RBFOX1: variants seen among roughly 807,000 people sequenced by gnomAD.
RBFOX1 encodes RNA binding protein fox-1 homolog 1.
RBFOX1 carries 8 observed loss-of-function variants against 57.7 expected under a neutral mutation model. The ratio of observed to expected loss-of-function variants is 0.14; its 90% CI spans 0.08 to 0.25. The LOEUF (loss-of-function observed/expected upper bound fraction) is 0.25. Ranked by LOEUF, RBFOX1 falls within the 10% of genes least tolerant of loss-of-function variation. The probability of loss-of-function intolerance (pLI) is 1.00; values close to 1 mark genes in which losing one functional copy is unlikely to be tolerated. For synonymous variants in RBFOX1, 326 were observed against 222.4 expected (o/e 1.47, Z -4.15); for missense variants, 611 against 548.5 (o/e 1.11, Z -1.14).
intron 3 of RBFOX1, among the ~76,000 whole-genome samples, chr16:6,659,090 G>A (rs999264467): frequency 1.3e-5 from 2 of 152,030 alleles, no homozygotes; most frequent in South Asian, 2.1e-4. Context: ...TGTTTCTGCT[G>A]GGGCACTGAA....
At chr16:6,902,259 G>T (rs1458332555) in intron 3 of RBFOX1, among the ~76,000 whole-genome samples, 1 of 152,130 alleles carries the variant, frequency 6.6e-6, no homozygotes, top group Admixed American at 6.6e-5. Flanking sequence ...CTGTATTGAA[G>T]CCCCGTTTTT....
intron 3 of RBFOX1, among the ~76,000 whole-genome samples, chr16:6,749,979 C>G (rs1157155719): frequency 2.6e-5 from 4 of 152,100 alleles, no homozygotes; most frequent in Admixed American, 1.3e-4. Context: ...AGATGGTGCT[C>G]TCAGAGTTTT....
intron 1 of RBFOX1, among the ~76,000 whole-genome samples, chr16:6,115,614 C>T (rs1207602710): frequency 6.6e-6 from 1 of 152,124 alleles, no homozygotes; most frequent in African/African-American, 2.4e-5. Context: ...CCAAGTATAG[C>T]ATATCTTTAC....
chr16:5,806,047 A>G (rs1300761303), intron 3 of RBFOX1, among the ~76,000 whole-genome samples: 2 of 152,156 alleles, frequency 1.3e-5, no homozygotes, highest in African/African-American at 4.8e-5. Context: ...GAGTGAGGAA[A>G]CAGCTGGCAT....
chr16:5,346,076 C>G (rs1389562032), intron 1 of RBFOX1, among the ~76,000 whole-genome samples: 1 of 152,228 alleles, frequency 6.6e-6, no homozygotes, highest in Non-Finnish European at 1.5e-5. Context: ...CTTCCAGCAG[C>G]CCACTACCTG....
chr16:7,212,777 T>C (rs1404447990), intron 4 of RBFOX1, among the ~76,000 whole-genome samples: 1 of 152,192 alleles, frequency 6.6e-6, no homozygotes, highest in Non-Finnish European at 1.5e-5. Flanking sequence ...CCATGGCACA[T>C]GTATACCTAT....
At chr16:6,851,984 G>T (rs901638666) in intron 3 of RBFOX1, among the ~76,000 whole-genome samples, 1 of 150,812 alleles carries the variant, frequency 6.6e-6, no homozygotes, top group East Asian at 1.9e-4. Flanking sequence ...GGAGTCCAGT[G>T]GTGTGATCTC....
intron 1 of RBFOX1, among the ~76,000 whole-genome samples, chr16:6,260,347 C>T (rs113702278): frequency 0.012 from 1,815 of 152,184 alleles, 40 homozygotes; most frequent in African/African-American, 0.04. Flanking sequence ...AGTTTCATGA[C>T]CCAGTGCCTC....
At chr16:6,260,155 T>A (rs2097693144) in intron 1 of RBFOX1, among the ~76,000 whole-genome samples, 1 of 152,202 alleles carries the variant, frequency 6.6e-6, no homozygotes, top group African/African-American at 2.4e-5. Flanking sequence ...TCTGTTGAGC[T>A]GAGGGAAAGT....
chr16:7,285,137 C>A (rs2095624461), intron 4 of RBFOX1, among the ~76,000 whole-genome samples: 1 of 122,566 alleles, frequency 8.2e-6, no homozygotes, highest in South Asian at 2.9e-4. Flanking sequence ...ATAGCATTTA[C>A]CACAATGGGC....
chr16:5,764,175 G>A (rs1471141189), intron 3 of RBFOX1, among the ~76,000 whole-genome samples: 1 of 152,122 alleles, frequency 6.6e-6, no homozygotes, highest in African/African-American at 2.4e-5. Context: ...TTGCATTTGG[G>A]CTACTACAAC....
At chr16:6,826,700 A>G (rs554496204) in intron 3 of RBFOX1, among the ~76,000 whole-genome samples, 21 of 152,184 alleles carry the variant, frequency 1.4e-4, no homozygotes, top group Non-Finnish European at 2.5e-4. Flanking sequence ...GACTAACCCT[A>G]AGACCAGGTG....
rs538984891 is a variant in RBFOX1, at chr16:5,245,626, A to G, written c.219+5521A>G. Among the ~76,000 whole-genome samples, 18 of 152,204 alleles carry G rather than the reference A, an allele frequency of 1.2e-4. No homozygotes were observed. In the East Asian group the frequency reaches 2.1e-3, roughly 18 times the overall value. ...TGCCTGACTTTTGTATTTTTAGTAG[A>G]GATGAGGTTTGGCCAGGCTAGTCTC... On this transcript the variant is annotated intron_variant, in intron 1 of 2. Transcript: ENST00000585867.
At chr16:6,288,795 A>T (rs2077159662) in intron 1 of RBFOX1, among the ~76,000 whole-genome samples, 2 of 152,088 alleles carry the variant, frequency 1.3e-5, no homozygotes, top group African/African-American at 2.4e-5. Context: ...GCTTGGCTGC[A>T]TTGTAGAGTG....
chr16:7,327,497 A>G (rs951048304), intron 4 of RBFOX1, among the ~76,000 whole-genome samples: 1 of 152,208 alleles, frequency 6.6e-6, no homozygotes, highest in Admixed American at 6.5e-5. Flanking sequence ...TTTTGAAATA[A>G]ACATTGTCAA....
chr16:6,766,183 A>G (rs1293482909), intron 3 of RBFOX1, among the ~76,000 whole-genome samples: 1 of 152,158 alleles, frequency 6.6e-6, no homozygotes, highest in Non-Finnish European at 1.5e-5. Context: ...ATATGGAGAA[A>G]AAAAAAGACA....
intron 4 of RBFOX1, among the ~76,000 whole-genome samples, chr16:7,128,896 C>T (rs1409946694): frequency 6.7e-6 from 1 of 148,276 alleles, no homozygotes; most frequent in Admixed American, 6.9e-5. Context: ...TCTCGGCTCA[C>T]TGCAACCTCC....
At chr16:7,277,007 C>G (rs949027124) in intron 4 of RBFOX1, among the ~76,000 whole-genome samples, 7 of 152,166 alleles carry the variant, frequency 4.6e-5, no homozygotes, top group African/African-American at 7.2e-5. Context: ...AACTTTGCGT[C>G]TTTTTCAAGT....
At chr16:6,316,937 G>A (rs1164790704) in intron 1 of RBFOX1, 58 bp from the exon 2 acceptor site, 3 of 1,468,264 alleles carry the variant, frequency 2.0e-6, no homozygotes, top group Non-Finnish European at 2.8e-6. Flanking sequence ...AAAAAGTGCG[G>A]ACAAAATTCA....
Sources: gnomAD v4.1 joint callset for allele counts (sites outside exome capture counted in the v4.1 genomes callset) on GRCh38, gnomAD v4.1.1 for gene constraint, MANE v1.5 for transcripts, NCBI Gene and HGNC (gene_info 2026-07-23, HGNC 2026-07-21) for gene names.